Variants in NARS1 observed in about 807,000 individuals in gnomAD.
NARS1 encodes the protein asparaginyl-tRNA synthetase 1, also known as asparagine--tRNA ligase, cytoplasmic.
Under a neutral mutation model 79.2 loss-of-function variants are expected in NARS1, and 65 were observed. That is an observed-to-expected ratio of 0.82 (90% confidence interval 0.67 to 1.01). The LOEUF (loss-of-function observed/expected upper bound fraction) is 1.01. Among genes scored for constraint, NARS1 ranks in the 50% least tolerant of loss-of-function variants. NARS1 has a pLI of 0.00. For missense variants in NARS1, 649 were observed against 673.8 expected (o/e 0.96, Z 0.41); for synonymous variants, 229 against 238.8 (o/e 0.96, Z 0.38).
At chr18:57,608,453 A>AAG (rs2051579887) in intron 7 of NARS1, among the ~76,000 whole-genome samples, 1 of 151,272 alleles carries the variant, frequency 6.6e-6, no homozygotes, top group Admixed American at 6.6e-5. Flanking sequence ...AAAAAAAAAA[A>AAG]AAAAACAATA....
intron 8 of NARS1, 21 bp downstream of exon 8, chr18:57,607,423 A>G: frequency 6.2e-7 from 1 of 1,612,442 alleles, no homozygotes; most frequent in Non-Finnish European, 8.5e-7. Context: ...TCTTTGCAAA[A>G]GCTGACGAAT....
intron 11 of NARS1, among the ~76,000 whole-genome samples, chr18:57,604,222 G>T (rs1301489901): frequency 6.6e-6 from 1 of 152,138 alleles, no homozygotes; most frequent in Non-Finnish European, 1.5e-5. Flanking sequence ...AAGTATGCAA[G>T]TTCTCAATAC....
intron 1 of NARS1, among the ~76,000 whole-genome samples, chr18:57,621,160 G>A (rs1353615275): frequency 6.7e-6 from 1 of 149,356 alleles, no homozygotes; most frequent in African/African-American, 2.4e-5. Flanking sequence ...GCTCCCTCTG[G>A]ACTTTAAAGG....
rs755836689 is a variant in NARS1 at position 57,607,375 on chromosome 18, G to A, written c.802-42C>T. The A allele has an allele frequency of 6.2e-6, 10 of 1,609,416 alleles. No homozygotes were observed. In the East Asian group the frequency reaches 1.8e-4, roughly 29 times the overall value. On this transcript the variant is annotated intron_variant, in intron 8 of 13. Coordinates refer to ENST00000256854, the MANE Select transcript of NARS1 (RefSeq NM_004539.4). ...AAGGAATAAATCAATGCTATCGTGA[G>A]CACCACTATTCAAGTTTCAAAACGG...
At chr18:57,614,704 GA>G (rs764257774) in intron 4 of NARS1, among the ~76,000 whole-genome samples, 9 of 152,170 alleles carry the variant, frequency 5.9e-5, no homozygotes, top group Non-Finnish European at 1.2e-4. Context: ...ACTGACACTA[GA>G]GAGGGTTAAA....
chr18:57,602,371 T>C lies in NARS1; in HGVS notation c.1499A>G (p.Tyr500Cys), dbSNP rs994047243. 2 of 1,613,852 alleles carry C rather than the reference T, an allele frequency of 1.2e-6. No homozygotes were observed. The highest frequency in any genetic ancestry group is 8.5e-7 in the Non-Finnish European group (1 of 1,179,810). ...TGGTTTTACCTGATCCGTATACCAGTAATAGGGAGTGGGGTCAATCCCTTC... is the reference window on the plus strand; with the variant it reads ...TGGTTTTACCTGATCCGTATACCAGCAATAGGGAGTGGGGTCAATCCCTTC... ...KREGIDPTPYYWYTDQRKYGT... is the reference protein window; with the variant it reads ...KREGIDPTPYCWYTDQRKYGT... The change falls in exon 13 of 14, where the codon TAC becomes TGC. Residue 500 changes from tyrosine (Y) to cysteine (C), a missense_variant. Physicochemically the swap from Tyr to Cys is radical, Grantham distance 194. Transcript: ENST00000256854.
intron 2 of NARS1, among the ~76,000 whole-genome samples, chr18:57,617,787 C>A (rs371794106): frequency 6.6e-6 from 1 of 150,724 alleles, no homozygotes; most frequent in Admixed American, 6.6e-5. Context: ...TGGTGGCACA[C>A]GCCTGTGGTC....
At chr18:57,601,836 T>C in intron 13 of NARS1, 53 bp from the exon 14 acceptor site, 1 of 1,584,886 alleles carries the variant, frequency 6.3e-7, no homozygotes, top group Non-Finnish European at 8.7e-7. Flanking sequence ...GTTAAAACTT[T>C]CATCTAAGAC....
intron 6 of NARS1, among the ~76,000 whole-genome samples, chr18:57,610,435 G>A (rs975655057): frequency 6.6e-6 from 1 of 152,180 alleles, no homozygotes; most frequent in Admixed American, 6.5e-5. Flanking sequence ...TCACGCCACT[G>A]CACTCCAGCA....
chr18:57,605,628 A>G (rs1345965411), intron 11 of NARS1, among the ~76,000 whole-genome samples: 10 of 146,160 alleles, frequency 6.8e-5, no homozygotes, highest in Admixed American at 3.4e-4. Flanking sequence ...AAAAAAAAAA[A>G]GAAAAAAAAA....
chr18:57,618,120 T>TA (rs199797842), intron 2 of NARS1, among the ~76,000 whole-genome samples: 11,017 of 121,040 alleles, frequency 0.091, 798 homozygotes, highest in East Asian at 0.35. Context: ...CTACTAGAAA[T>TA]AAAAAAAAAA....
At chr18:57,614,827 A>G (rs75863713) in intron 4 of NARS1, among the ~76,000 whole-genome samples, 9,022 of 152,130 alleles carry the variant, frequency 0.059, 366 homozygotes, top group Non-Finnish European at 0.084. Context: ...AATAAAATGA[A>G]CCCCTAAAGA....
rs561655348 is a variant in NARS1 at position 57,601,693 on chromosome 18, C to T, written c.1606G>A (p.Val536Met). ...TGGACAAATCGAGGGTATAAGCACA[C>T]GTCTCGGATGTGATACCTATTCAGA... Reference protein sequence around the residue: ...WILNRYHIRDVCLYPRFVQRC... With the variant: ...WILNRYHIRDMCLYPRFVQRC... Residue 536 changes from valine to methionine, a missense_variant, in exon 14 of 14, where the codon GTG (valine) becomes ATG (methionine). Val to Met is a conservative substitution (Grantham distance 21). Transcript: ENST00000256854. The T allele has an allele frequency of 2.6e-5, 42 of 1,613,848 alleles. No individual in the cohort carries two copies. The highest frequency in any genetic ancestry group is 5.0e-5 in the Admixed American group (3 of 60,008).
At chr18:57,607,869 CTT>C (rs1197731953) in intron 7 of NARS1, among the ~76,000 whole-genome samples, 18 of 142,050 alleles carry the variant, frequency 1.3e-4, no homozygotes, top group Non-Finnish European at 1.7e-4. Flanking sequence ...ACACAAATAT[CTT>C]TTTTTTTTTT....
rs1599030256 is a variant in NARS1 at position 57,602,561 on chromosome 18, G to T, written c.1384-75C>A. The stretch of plus-strand genomic sequence containing the variant: ...CACAGCACTGCCCTAGAGTTTAAAT[G>T]AAAATTACAATTAAGCTCCAAGGGC... On this transcript the variant is annotated intron_variant, in intron 12 of 13. Transcript: ENST00000256854. 16 of 1,518,508 alleles carry T rather than the reference G, an allele frequency of 1.1e-5. No homozygotes were observed. In the East Asian group the frequency reaches 3.6e-4, roughly 35 times the overall value. 94.1% of individuals were successfully genotyped at this position (1,518,508 alleles called of 1,614,324 possible). A position where few individuals can be genotyped will look rare whatever the true frequency, so the allele number is the denominator to read the frequency against.
At chr18:57,611,503 T>C (rs555934096) in intron 6 of NARS1, 134 bp downstream of exon 6, 47 of 579,034 alleles carry the variant, frequency 8.1e-5, no homozygotes, top group Non-Finnish European at 1.3e-4. Context: ...ATGTTTATGG[T>C]ATACAATGTG....
At chr18:57,618,120 T>TAA (rs199797842) in intron 2 of NARS1, among the ~76,000 whole-genome samples, 29 of 121,132 alleles carry the variant, frequency 2.4e-4, no homozygotes, top group South Asian at 1.8e-3. Context: ...CTACTAGAAA[T>TAA]AAAAAAAAAA....
rs2051563347 is a variant in NARS1 at position 57,606,970 on chromosome 18, T to G, written c.1001+164A>C. The G allele has an allele frequency of 5.4e-6, 5 of 921,378 alleles. No homozygotes were observed. The South Asian group carries it at 8.8e-5, about 16-fold the overall frequency. 57.1% of individuals were successfully genotyped at this position (921,378 alleles called of 1,614,324 possible). A position where few individuals can be genotyped will look rare whatever the true frequency, so the allele number is the denominator to read the frequency against. On this transcript the variant is annotated intron_variant, in intron 9 of 13. Coordinates refer to ENST00000256854, the MANE Select transcript of NARS1 (RefSeq NM_004539.4). Reference sequence around the variant, plus strand: ...TCAAGTCAAAGTGAAAAAAGAGAACTTAGCTACGATCTAAGGTGGCAAAAC... The same window carrying G: ...TCAAGTCAAAGTGAAAAAAGAGAACGTAGCTACGATCTAAGGTGGCAAAAC...
chr18:57,615,934 G>A lies in NARS1; in HGVS notation c.135C>T (p.Tyr45=), dbSNP rs747482753. The part of the protein sequence containing the change: ...TVGKEPFPTI[Y]VDSQKENERW... ...TCTCATTTTCTTTTTGTGAATCTAC[G>A]TAAATGGTAGGAAATGGTTCTTTCC... The change falls in exon 3 of 14, where the codon TAC becomes TAT. Residue 45 remains tyrosine, a synonymous_variant. Transcript: ENST00000256854. The A allele has an allele frequency of 1.1e-5, 18 of 1,612,250 alleles. No homozygotes were observed. In the East Asian group the frequency reaches 1.6e-4, roughly 14 times the overall value.
Sources: allele counts gnomAD v4.1 joint callset (sites outside exome capture counted in the v4.1 genomes callset), GRCh38; gene constraint gnomAD v4.1.1; transcripts MANE v1.5; gene names NCBI Gene and HGNC (gene_info 2026-07-23, HGNC 2026-07-21).